Variants in CLRN2 observed in about 807,000 individuals in gnomAD.
CLRN2 encodes clarin 2.
CLRN2 carries 17 observed loss-of-function variants against 20.1 expected under a neutral mutation model. The ratio of observed to expected loss-of-function variants is 0.85; its 90% confidence interval spans 0.58 to 1.27. CLRN2 has a LOEUF of 1.27. Among genes scored for constraint, CLRN2 ranks in the 50% most tolerant of loss-of-function variants. The pLI is 0.00. For synonymous variants in CLRN2, 140 were observed against 126.9 expected, an observed-to-expected ratio of 1.10 and a Z score of -0.70; for missense variants, 288 against 299.5, an observed-to-expected ratio of 0.96 and a Z score of 0.28.
chr4:17,523,094 G>T, intron 2 of CLRN2, 51 bp downstream of exon 2: 1 of 1,499,266 alleles, frequency 6.7e-7, no homozygotes, highest in Non-Finnish European at 9.0e-7. Flanking sequence ...TCATAGGGCT[G>T]GGCTCCAAGT....
rs1711630010 is a variant in CLRN2 at position 17,515,296 on chromosome 4, T to C, written c.30T>C (p.Tyr10=). The change falls in exon 1 of 3, where the codon TAT becomes TAC. Residue 10 remains tyrosine, a synonymous_variant. Transcript: ENST00000511148. The part of the protein sequence containing the change: MPGWFKKAW[Y]GLASLLSFSS... ...CTGGATGGTTCAAAAAGGCGTGGTA[T>C]GGGCTGGCGTCTTTACTCAGCTTCT... is the stretch of plus-strand genomic sequence containing the variant. 1 of 1,613,976 alleles carries C rather than the reference T, an allele frequency of 6.2e-7. No individual in the cohort carries two copies. The highest frequency in any genetic ancestry group is 8.5e-7 in the Non-Finnish European group (1 of 1,179,902).
Position 17,526,397 on chromosome 4 carries a change from T to C in CLRN2, c.434-420T>C, listed in dbSNP as rs1257370824. 4.6e-5 allele frequency among the ~76,000 whole-genome samples: 7 copies of C among 152,138 alleles called. No individual in the cohort carries two copies. In the South Asian group the frequency reaches 1.5e-3, roughly 32 times the overall value. On this transcript the variant is annotated intron_variant, in intron 2 of 2. Transcript: ENST00000511148. Reference sequence around the variant, plus strand: ...CAACATGATGAAACCCCATCTCTACTAAAAATACAAAAATTAGCCGGCTGT... The same window carrying C: ...CAACATGATGAAACCCCATCTCTACCAAAAATACAAAAATTAGCCGGCTGT...
chr4:17,515,363 T>G lies in CLRN2; in HGVS notation c.97T>G (p.Trp33Gly). 5 of 1,614,022 alleles carry G rather than the reference T, an allele frequency of 3.1e-6. No individual in the cohort carries two copies. The highest frequency in any genetic ancestry group is 4.2e-6 in the Non-Finnish European group (5 of 1,179,900). The change falls in exon 1 of 3, where the codon TGG (tryptophan) becomes GGG (glycine). Residue 33 changes from tryptophan to glycine, a missense_variant. By Grantham distance (184) the Trp-to-Gly change is radical. Coordinates refer to ENST00000511148, the MANE Select transcript of CLRN2 (RefSeq NM_001079827.2). ...LIIVALVVPH[W>G]LSGKILCQTG... The stretch of plus-strand genomic sequence containing the variant: ...CATCGTTGCCCTGGTAGTGCCCCAC[T>G]GGCTGAGTGGGAAAATCCTTTGTCA...
Position 17,522,856 on chromosome 4 carries a change from C to A in CLRN2, c.254-8C>A. ...CATTGAAATAGTGGCTGTGTCTTGT[C>A]TCCCCAGTCTTCCCACACCTGGTGA... On this transcript the variant is annotated splice_polypyrimidine_tract_variant and splice_region_variant and intron_variant, in intron 1 of 2. Coordinates refer to ENST00000511148, the MANE Select transcript of CLRN2 (RefSeq NM_001079827.2). The A allele has an allele frequency of 6.2e-7, 1 of 1,610,904 alleles. No individual in the cohort carries two copies. The highest frequency in any genetic ancestry group is 8.5e-7 in the Non-Finnish European group (1 of 1,177,798).
intron 1 of CLRN2, among the ~76,000 whole-genome samples, chr4:17,516,211 C>T (rs1393781876): frequency 2.6e-5 from 4 of 152,204 alleles, no homozygotes; most frequent in East Asian, 1.9e-4. Flanking sequence ...TCTCTGTGAA[C>T]GTGAGCGGGC....
intron 1 of CLRN2, among the ~76,000 whole-genome samples, chr4:17,519,634 A>G (rs1358841041): frequency 6.6e-6 from 1 of 152,136 alleles, no homozygotes; most frequent in Non-Finnish European, 1.5e-5. Flanking sequence ...ATTTATCACC[A>G]TGAGTCGTGT....
Position 17,515,535 on chromosome 4 carries a change from G to A in CLRN2, c.253+16G>A. On this transcript the variant is annotated intron_variant, in intron 1 of 2. Coordinates refer to ENST00000511148, the MANE Select transcript of CLRN2 (RefSeq NM_001079827.2). ...CAATTCACGAGTGAGTATATTGGGAGCATGAAAGCTGATTCTAGGCACTCA... is the reference window on the plus strand; with the variant it reads ...CAATTCACGAGTGAGTATATTGGGAACATGAAAGCTGATTCTAGGCACTCA... The A allele has an allele frequency of 6.2e-7, 1 of 1,610,074 alleles. No homozygotes were observed. The highest frequency in any genetic ancestry group is 8.5e-7 in the Non-Finnish European group (1 of 1,177,014).
At chr4:17,520,999 C>T (rs1711826003) in intron 1 of CLRN2, among the ~76,000 whole-genome samples, 2 of 151,876 alleles carry the variant, frequency 1.3e-5, no homozygotes, top group Non-Finnish European at 2.9e-5. Flanking sequence ...GCCTGGGTGA[C>T]AGAACAAGAT....
intron 2 of CLRN2, among the ~76,000 whole-genome samples, chr4:17,525,153 T>C (rs140458090): frequency 9.0e-4 from 137 of 152,326 alleles, no homozygotes; most frequent in Non-Finnish European, 1.6e-3. Flanking sequence ...CATAAAATGG[T>C]ATTTGCTGTA....
intron 2 of CLRN2, among the ~76,000 whole-genome samples, chr4:17,525,707 C>T (rs148050835): frequency 4.6e-5 from 7 of 151,974 alleles, no homozygotes; most frequent in East Asian, 3.9e-4. Flanking sequence ...TGTAACAACA[C>T]GTAAAAATGT....
chr4:17,523,815 C>A (rs751270109), intron 2 of CLRN2, among the ~76,000 whole-genome samples: 4 of 147,308 alleles, frequency 2.7e-5, no homozygotes, highest in East Asian at 2.0e-4. Context: ...GGTGTTCCCC[C>A]CACACACACA....
rs376009801 is a variant in CLRN2, at chr4:17,522,872, C to A, written c.262C>A (p.His88Asn). 1.2e-6 allele frequency: 2 copies of A among 1,613,566 alleles called. No individual in the cohort carries two copies. The highest frequency in any genetic ancestry group is 1.1e-5 in the South Asian group (1 of 90,990). ...GRQSQFTIFP[H>N]LVKELNAGLH... The stretch of plus-strand genomic sequence containing the variant: ...GTGTCTTGTCTCCCCAGTCTTCCCA[C>A]ACCTGGTGAAGGAGCTCAACGCAGG... Residue 88 changes from histidine to asparagine, a missense_variant, in exon 2 of 3, where the codon CAC becomes AAC. Transcript: ENST00000511148.
At chr4:17,518,928 A>G (rs1031097776) in intron 1 of CLRN2, among the ~76,000 whole-genome samples, 1 of 152,206 alleles carries the variant, frequency 6.6e-6, no homozygotes, top group African/African-American at 2.4e-5. Flanking sequence ...CGCCCATTTT[A>G]CTGATGAGGA....
At position 17,523,213 on chromosome 4, in the gene CLRN2, C is replaced by CT. The variant is rs113987711; in HGVS notation, c.433+185dup. On this transcript the variant is annotated intron_variant, in intron 2 of 2. Transcript: ENST00000511148. ...GAATGAATGTCCTCTTTTTCTTTTT[C>CT]TTTTTTTTTTTTTTTCTTTGAGACA... Among the ~76,000 whole-genome samples, 534 of 141,308 alleles carry CT rather than the reference C, an allele frequency of 3.8e-3. 4 individuals carry two copies. Among genetic ancestry groups the CT allele is most frequent in the African/African-American group, 0.01 (390 of 38,408 alleles). The allele number at this position is 141,308 out of a possible 152,430, so 92.7% of individuals were successfully genotyped here.
At chr4:17,521,004 C>T (rs552571800) in intron 1 of CLRN2, among the ~76,000 whole-genome samples, 2 of 151,972 alleles carry the variant, frequency 1.3e-5, no homozygotes, top group South Asian at 4.1e-4. Context: ...GGTGACAGAA[C>T]AAGATTCTGT....
intron 1 of CLRN2, among the ~76,000 whole-genome samples, chr4:17,516,768 A>T (rs1270072676): frequency 7.0e-6 from 1 of 143,580 alleles, no homozygotes; most frequent in Non-Finnish European, 1.6e-5. Flanking sequence ...AAAGCTAACC[A>T]TGACAACTAC....
intron 1 of CLRN2, among the ~76,000 whole-genome samples, chr4:17,517,629 C>T (rs1259004845): frequency 6.6e-6 from 1 of 152,148 alleles, no homozygotes; most frequent in Non-Finnish European, 1.5e-5. Flanking sequence ...CTTAGAAGGA[C>T]ACCAATGGGA....
chr4:17,518,449 A>G (rs1047226082), intron 1 of CLRN2, among the ~76,000 whole-genome samples: 8 of 152,224 alleles, frequency 5.3e-5, no homozygotes, highest in African/African-American at 1.4e-4. Context: ...CAAACCAGAC[A>G]AGTACTTGCC....
In CLRN2 at chr4:17,526,869, C is replaced by T. The variant is rs745865033; in HGVS notation, c.486C>T (p.His162=). ...GCTTCGTGGCTGCGGTGAAATTTCA[C>T]GACCTGACGGAACGAATCGCCAACT... ...IASFVAAVKF[H]DLTERIANFQ... is the part of the protein sequence containing the mutation. The change falls in exon 3 of 3, where the codon CAC becomes CAT. Residue 162 remains histidine, a synonymous_variant. Coordinates refer to ENST00000511148, the MANE Select transcript of CLRN2 (RefSeq NM_001079827.2). 8 of 1,613,996 alleles carry T rather than the reference C, an allele frequency of 5.0e-6. No individual in the cohort carries two copies. Among genetic ancestry groups the T allele is most frequent in the South Asian group, 1.1e-5 (1 of 91,088 alleles).
Sources: allele counts gnomAD v4.1 joint callset (sites outside exome capture counted in the v4.1 genomes callset), GRCh38; gene constraint gnomAD v4.1.1; transcripts MANE v1.5; gene names NCBI Gene and HGNC (gene_info 2026-07-23, HGNC 2026-07-21).